Variants in CEACAM1 observed in about 807,000 individuals in gnomAD.
CEACAM1 encodes CEA cell adhesion molecule 1, also known as cell adhesion molecule CEACAM1.
Under a neutral mutation model 49.1 loss-of-function variants are expected in CEACAM1, and 31 were observed. The ratio of observed to expected loss-of-function variants is 0.63; its 90% confidence interval spans 0.47 to 0.85. The LOEUF is 0.85. CEACAM1 is among the 40% of genes least tolerant of loss of function. The pLI, the probability that CEACAM1 is intolerant of heterozygous loss-of-function variation, is 0.00. For synonymous variants in CEACAM1, 244 were observed against 247.8 expected (o/e 0.98, Z 0.14); for missense variants, 570 against 645.3 (o/e 0.88, Z 1.26).
At chr19:42,519,973 G>C (rs1291716288) in intron 4 of CEACAM1, among the ~76,000 whole-genome samples, 2 of 152,072 alleles carry the variant, frequency 1.3e-5, no homozygotes, top group South Asian at 4.1e-4. Context: ...TAATTTTTTA[G>C]GGAATGATGA....
chr19:42,518,914 A>G (rs1303639982), intron 5 of CEACAM1, 34 bp downstream of exon 5: 18 of 1,610,330 alleles, frequency 1.1e-5, no homozygotes, highest in Non-Finnish European at 1.4e-5. Context: ...GTAATCCTAG[A>G]GGGACATATA....
chr19:42,510,488 G>T (rs1465381308), intron 8 of CEACAM1, among the ~76,000 whole-genome samples: 1 of 152,248 alleles, frequency 6.6e-6, no homozygotes, highest in Non-Finnish European at 1.5e-5. Context: ...CAGACTGAAG[G>T]TAGGGGAGTG....
Position 42,528,383 on chromosome 19 carries a change from C to T in CEACAM1, c.-9G>A, listed in dbSNP as rs767405914. ...GCTGAGAGGTGCCCCATGGTGTCTC[C>T]TGCTGGCCCTGTCTTCACCTGTGGA... On this transcript the variant is annotated 5_prime_UTR_variant, in exon 1 of 9. Coordinates refer to ENST00000161559, the MANE Select transcript of CEACAM1 (RefSeq NM_001712.5). 1.2e-6 allele frequency: 2 copies of T among 1,613,818 alleles called. No individual in the cohort carries two copies. Among genetic ancestry groups the T allele is most frequent in the Non-Finnish European group, 1.7e-6 (2 of 1,179,874 alleles).
chr19:42,519,755 G>C (rs138335846), intron 4 of CEACAM1, among the ~76,000 whole-genome samples: 2 of 151,924 alleles, frequency 1.3e-5, no homozygotes, highest in East Asian at 3.9e-4. Flanking sequence ...ATTTTTAGTA[G>C]AGACGGGGTT....
intron 7 of CEACAM1, 152 bp downstream of exon 7, chr19:42,511,424 G>C (rs1283294309): frequency 4.4e-6 from 3 of 681,230 alleles, no homozygotes; most frequent in Non-Finnish European, 7.8e-6. Context: ...GGAAGGGTGG[G>C]AAGACCTATG....
intron 5 of CEACAM1, among the ~76,000 whole-genome samples, chr19:42,515,365 T>C (rs2041574655): frequency 6.6e-6 from 1 of 152,182 alleles, no homozygotes; most frequent in African/African-American, 2.4e-5. Context: ...TTAAGAATCT[T>C]GTGCAAGAAA....
At position 42,519,117 on chromosome 19, in the gene CEACAM1, C is replaced by G; in HGVS notation, c.1077G>C (p.Trp359Cys). The G allele has an allele frequency of 6.2e-7, 1 of 1,614,202 alleles. No homozygotes were observed. The highest frequency in any genetic ancestry group is 8.5e-7 in the Non-Finnish European group (1 of 1,180,034). Reference protein sequence around the residue: ...STNDTGISIRWFFKNQSLPSS... With the variant: ...STNDTGISIRCFFKNQSLPSS... Reference sequence around the variant, plus strand: ...ACGGGAGACTCTGGTTTTTGAAGAACCAACGGATGGAGATTCCAGTGTCAT... The same window carrying G: ...ACGGGAGACTCTGGTTTTTGAAGAAGCAACGGATGGAGATTCCAGTGTCAT... The change falls in exon 5 of 9, where the codon TGG becomes TGC. Residue 359 changes from tryptophan to cysteine, a missense_variant. Coordinates refer to ENST00000161559, the MANE Select transcript of CEACAM1 (RefSeq NM_001712.5).
Position 42,519,250 on chromosome 19 carries a change from A to G in CEACAM1, c.959-15T>C, listed in dbSNP as rs201033559. ...TGGACTTAGCTCTGTGGACAAGCAG[A>G]GTATCTGAGATAACCTACTGAGAAT... On this transcript the variant is annotated splice_polypyrimidine_tract_variant and intron_variant, in intron 4 of 8. Coordinates refer to ENST00000161559, the MANE Select transcript of CEACAM1 (RefSeq NM_001712.5). 15 of 1,613,344 alleles carry G rather than the reference A, an allele frequency of 9.3e-6. No homozygotes were observed. The highest frequency in any genetic ancestry group is 4.0e-5 in the African/African-American group (3 of 75,006).
At chr19:42,510,782 G>T in intron 8 of CEACAM1, 107 bp downstream of exon 8, 1 of 1,013,450 alleles carries the variant, frequency 9.9e-7, no homozygotes, top group Non-Finnish European at 1.6e-6. Context: ...GTTGCACTGA[G>T]GAACATTAAC....
intron 4 of CEACAM1, among the ~76,000 whole-genome samples, chr19:42,519,797 C>T (rs1469747742): frequency 6.6e-6 from 1 of 152,074 alleles, no homozygotes; most frequent in African/African-American, 2.4e-5. Flanking sequence ...TCTTGATCTC[C>T]TGACCTCATG....
In CEACAM1 at chr19:42,508,396, C is replaced by T. The variant is rs2041379457; in HGVS notation, c.*713G>A. ...ATAAAGATATTAAAACATATATGTGCTTTTGCATTTTCCATCAGGAATTGC... is the reference window on the plus strand; with the variant it reads ...ATAAAGATATTAAAACATATATGTGTTTTTGCATTTTCCATCAGGAATTGC... On this transcript the variant is annotated 3_prime_UTR_variant, in exon 9 of 9. Transcript: ENST00000161559. The T allele has an allele frequency of 6.6e-6, 1 of 152,372 alleles. No homozygotes were observed. Among genetic ancestry groups the T allele is most frequent in the Non-Finnish European group, 1.5e-5 (1 of 68,200 alleles). 9.4% of individuals were successfully genotyped at this position (152,372 alleles called of 1,614,324 possible). A position where few individuals can be genotyped will look rare whatever the true frequency, so the allele number is the denominator to read the frequency against.
chr19:42,521,229 CCCCAGATCTT>C lies in CEACAM1; in HGVS notation c.958+28_958+37del, dbSNP rs755984290. 32 of 1,605,934 alleles carry C rather than the reference CCCCAGATCTT, an allele frequency of 2.0e-5. 2 individuals carry two copies. In the South Asian group the frequency reaches 3.3e-4, roughly 17 times the overall value. On this transcript the variant is annotated intron_variant, in intron 4 of 8. Transcript: ENST00000161559. ...CTATTTGAAAACCAGAAAGCTTGTA[CCCCAGATCTT>C]AGTGTTGATGCTCCAGGAATTACTT...
In CEACAM1 at chr19:42,528,409, G is replaced by A. The variant is rs8102519; in HGVS notation, c.-35C>T. ...TGCTGGCCCTGTCTTCACCTGTGGA[G>A]GAGAGCTTGGGCTCCAGGAACGCTT... On this transcript the variant is annotated 5_prime_UTR_variant, in exon 1 of 9. Coordinates refer to ENST00000161559, the MANE Select transcript of CEACAM1 (RefSeq NM_001712.5). The A allele has an allele frequency of 0.12, 192,224 of 1,607,790 alleles. 18,258 individuals are homozygous for A. The highest frequency in any genetic ancestry group is 0.45 in the African/African-American group (33,747 of 74,802).
In CEACAM1 at chr19:42,519,151, C is replaced by G. The variant is rs776254050; in HGVS notation, c.1043G>C (p.Cys348Ser). The G allele has an allele frequency of 1.9e-6, 3 of 1,614,082 alleles. No individual in the cohort carries two copies. The highest frequency in any genetic ancestry group is 2.5e-6 in the Non-Finnish European group (3 of 1,180,042). The change falls in exon 5 of 9, where the codon TGC (cysteine) becomes TCC (serine). Residue 348 changes from cysteine to serine, a missense_variant. By Grantham distance (112) the Cys-to-Ser change is moderately radical. Transcript: ENST00000161559. ...TGDKDSVNLT[C>S]STNDTGISIR... ...GGAGATTCCAGTGTCATTTGTGGAG[C>G]AGGTCAGGTTCACAGAGTCCTTATC... is the stretch of plus-strand genomic sequence containing the variant.
At chr19:42,527,607 A>G (rs774096621) in intron 1 of CEACAM1, 3 of 657,218 alleles carry the variant, frequency 4.6e-6, no homozygotes, top group Non-Finnish European at 7.1e-6. Context: ...TGACCTTGTC[A>G]TTTCTCTGGA....
intron 5 of CEACAM1, among the ~76,000 whole-genome samples, chr19:42,513,893 C>CATATATATATATATATATATATATATAT (rs144403954): frequency 5.7e-5 from 6 of 104,952 alleles, no homozygotes; most frequent in Admixed American, 3.4e-4. Flanking sequence ...CTTCTCCCTC[C>CATATATATATATATATATATATATATAT]ATATATATAT....
intron 5 of CEACAM1, 146 bp from the exon 6 acceptor site, chr19:42,512,625 A>C: frequency 1.4e-6 from 1 of 704,094 alleles, no homozygotes; most frequent in Non-Finnish European, 2.3e-6. Context: ...GAAGGTGATT[A>C]GCTAACTATA....
At chr19:42,519,750 T>A (rs1216506621) in intron 4 of CEACAM1, among the ~76,000 whole-genome samples, 3 of 152,034 alleles carry the variant, frequency 2.0e-5, no homozygotes, top group African/African-American at 7.2e-5. Flanking sequence ...TTTGTATTTT[T>A]AGTAGAGACG....
At chr19:42,523,469 A>T (rs770756793) in intron 2 of CEACAM1, among the ~76,000 whole-genome samples, 15 of 152,232 alleles carry the variant, frequency 9.9e-5, no homozygotes, top group Non-Finnish European at 2.1e-4. Flanking sequence ...AGTGAGGGTG[A>T]CAGGCAGGGG....
Sources: gnomAD v4.1 joint callset for allele counts (sites outside exome capture counted in the v4.1 genomes callset) on GRCh38, gnomAD v4.1.1 for gene constraint, MANE v1.5 for transcripts, NCBI Gene and HGNC (gene_info 2026-07-23, HGNC 2026-07-21) for gene names.